Variants in PCDH15 observed in about 807,000 individuals in gnomAD.
PCDH15 encodes protocadherin-15.
Under a neutral mutation model 178.5 loss-of-function variants are expected in PCDH15, and 129 were observed. That is an observed-to-expected ratio of 0.72 (90% CI 0.63 to 0.84). The LOEUF (loss-of-function observed/expected upper bound fraction) is 0.84. Ranked by LOEUF, PCDH15 falls within the 40% of genes least tolerant of loss-of-function variation. PCDH15 has a pLI of 0.00. For missense variants in PCDH15, 2,230 were observed against 2,099.9 expected (o/e 1.06, Z -1.21); for synonymous variants, 800 against 732.0 (o/e 1.09, Z -1.50).
chr10:55,387,737 G>T (rs560284381), intron 2 of PCDH15, among the ~76,000 whole-genome samples: 1 of 152,142 alleles, frequency 6.6e-6, no homozygotes, highest in African/African-American at 2.4e-5. Context: ...AATTCTGTAA[G>T]GTTGTCTGGG....
At chr10:53,905,746 G>GA (rs2082638846) in intron 25 of PCDH15, among the ~76,000 whole-genome samples, 1 of 152,020 alleles carries the variant, frequency 6.6e-6, no homozygotes, top group African/African-American at 2.4e-5. Context: ...AAGCTCCTTT[G>GA]ATTCAGTGGC....
At chr10:54,161,667 C>T (rs1401189141) in intron 13 of PCDH15, among the ~76,000 whole-genome samples, 3 of 142,846 alleles carry the variant, frequency 2.1e-5, no homozygotes, top group African/African-American at 7.8e-5. Context: ...AGGACACTAA[C>T]CCTCAACCCT....
chr10:55,011,633 T>C (rs1840049619), intron 2 of PCDH15, among the ~76,000 whole-genome samples: 1 of 152,108 alleles, frequency 6.6e-6, no homozygotes, highest in Non-Finnish European at 1.5e-5. Context: ...ACATTTTTGT[T>C]TTCTTTCAAT....
chr10:53,810,120 T>G (rs2132381228), intron 37 of PCDH15, among the ~76,000 whole-genome samples: 1 of 152,304 alleles, frequency 6.6e-6, no homozygotes. Context: ...TAAATTACAT[T>G]ATTCCTTGAA....
At chr10:54,738,329 A>G (rs1944376224) in intron 1 of PCDH15, among the ~76,000 whole-genome samples, 1 of 152,110 alleles carries the variant, frequency 6.6e-6, no homozygotes, top group South Asian at 2.1e-4. Flanking sequence ...ATGGAAATAA[A>G]TAGTTTCCAA....
intron 25 of PCDH15, among the ~76,000 whole-genome samples, chr10:53,930,986 G>A (rs555371479): frequency 1.3e-5 from 2 of 152,296 alleles, no homozygotes; most frequent in East Asian, 3.9e-4. Context: ...GTCAATATGG[G>A]AGTAAAGGAA....
At chr10:54,145,666 T>C (rs1026472256) in intron 14 of PCDH15, among the ~76,000 whole-genome samples, 1 of 152,052 alleles carries the variant, frequency 6.6e-6, no homozygotes, top group Non-Finnish European at 1.5e-5. Context: ...AAAACTCACA[T>C]GTCAATTTAC....
At chr10:54,462,512 C>CTTTTTTTTTT (rs562731025) in intron 3 of PCDH15, among the ~76,000 whole-genome samples, 150 of 66,840 alleles carry the variant, frequency 2.2e-3, no homozygotes, top group African/African-American at 5.8e-3. Context: ...TTTTTCTTTT[C>CTTTTTTTTTT]TTTTTTTTTT....
At chr10:55,223,420 C>T (rs973456174) in intron 1 of PCDH15, among the ~76,000 whole-genome samples, 1 of 152,066 alleles carries the variant, frequency 6.6e-6, no homozygotes, top group Non-Finnish European at 1.5e-5. Context: ...GTTTTGTACT[C>T]CTTGATAACA....
intron 2 of PCDH15, among the ~76,000 whole-genome samples, chr10:54,624,060 T>A (rs946306105): frequency 6.6e-6 from 1 of 152,126 alleles, no homozygotes; most frequent in Non-Finnish European, 1.5e-5. Flanking sequence ...AAGAAAATCA[T>A]GGGTTTAGAT....
chr10:54,160,638 A>T (rs1378770854), intron 13 of PCDH15, among the ~76,000 whole-genome samples: 1 of 152,206 alleles, frequency 6.6e-6, no homozygotes, highest in East Asian at 1.9e-4. Context: ...TATTTGCAAA[A>T]TATTTGCAGA....
rs540216587 is a variant in PCDH15 at position 54,092,058 on chromosome 10, C to T, written c.1918-1995G>A. ...AATCTAGATCTCCTTTCCATCTTGACGTACCTCAAAAAATAAAAGAAATTC... is the reference window on the plus strand; with the variant it reads ...AATCTAGATCTCCTTTCCATCTTGATGTACCTCAAAAAATAAAAGAAATTC... On this transcript the variant is annotated intron_variant, in intron 15 of 37. Transcript: ENST00000644397. Among the ~76,000 whole-genome samples the T allele has an allele frequency of 1.2e-4, 19 of 152,248 alleles. No individual in the cohort carries two copies. In the East Asian group the frequency reaches 2.3e-3, roughly 19 times the overall value.
chr10:54,123,675 A>G (rs2041750454), intron 15 of PCDH15, among the ~76,000 whole-genome samples: 1 of 152,166 alleles, frequency 6.6e-6, no homozygotes, highest in Non-Finnish European at 1.5e-5. Flanking sequence ...CCAAAAGAAA[A>G]TAAATTGACT....
intron 2 of PCDH15, among the ~76,000 whole-genome samples, chr10:55,537,052 G>A (rs950140993): frequency 1.3e-5 from 2 of 151,566 alleles, no homozygotes; most frequent in Admixed American, 6.6e-5. Flanking sequence ...TTTTCTTTTT[G>A]ATAGCACAGA....
chr10:54,726,879 TAAAC>T (rs1942621052), intron 1 of PCDH15, among the ~76,000 whole-genome samples: 1 of 150,108 alleles, frequency 6.7e-6, no homozygotes, highest in Non-Finnish European at 1.5e-5. Flanking sequence ...GTAAACAAAA[TAAAC>T]AAAATCTCTG....
rs367603266 is a variant in PCDH15, at chr10:54,090,462, G to A, written c.1918-399C>T. Among the ~76,000 whole-genome samples the A allele has an allele frequency of 5.9e-5, 9 of 152,112 alleles. No homozygotes were observed. In the East Asian group the frequency reaches 1.2e-3, roughly 20 times the overall value. On this transcript the variant is annotated intron_variant, in intron 15 of 37. Transcript: ENST00000644397. The stretch of plus-strand genomic sequence containing the variant: ...GTTCAAGACTAGCCTGGCCAACATG[G>A]TGAAATCCTGTCTCTACCAAAAACA...
intron 1 of PCDH15, among the ~76,000 whole-genome samples, chr10:55,238,646 T>C (rs1043365026): frequency 6.6e-6 from 1 of 152,150 alleles, no homozygotes; most frequent in African/African-American, 2.4e-5. Context: ...TAAATTACTT[T>C]GGGCAGAAAA....
At chr10:55,359,311 T>C (rs182557901) in intron 2 of PCDH15, among the ~76,000 whole-genome samples, 3 of 152,214 alleles carry the variant, frequency 2.0e-5, no homozygotes, top group Admixed American at 6.6e-5. Flanking sequence ...AATTTTAAAA[T>C]GTGCTATAAT....
At chr10:54,826,761 A>G (rs1340495140) in intron 3 of PCDH15, among the ~76,000 whole-genome samples, 1 of 152,098 alleles carries the variant, frequency 6.6e-6, no homozygotes, top group Admixed American at 6.6e-5. Context: ...ATGGGACGTT[A>G]AAAGTTTCCC....
Sources: allele counts gnomAD v4.1 joint callset (sites outside exome capture counted in the v4.1 genomes callset), GRCh38; gene constraint gnomAD v4.1.1; transcripts MANE v1.5; gene names NCBI Gene and HGNC (gene_info 2026-07-23, HGNC 2026-07-21).